CNDP1: variants seen among roughly 807,000 people sequenced by gnomAD.
CNDP1 encodes carnosine dipeptidase 1.
Under a neutral mutation model 58.1 loss-of-function variants are expected in CNDP1, and 44 were observed. The observed-to-expected ratio is 0.76, with a 90% CI of 0.60 to 0.97. The LOEUF is 0.97. Ranked by LOEUF, CNDP1 falls within the 50% of genes least tolerant of loss-of-function variation. The pLI, the probability that CNDP1 is intolerant of heterozygous loss-of-function variation, is 0.00. For synonymous variants in CNDP1, 254 were observed against 252.6 expected (o/e 1.01, Z -0.05); for missense variants, 616 against 655.1 (o/e 0.94, Z 0.65).
At chr18:74,581,433 C>T (rs1599104295) in intron 10 of CNDP1, among the ~76,000 whole-genome samples, 1 of 152,064 alleles carries the variant, frequency 6.6e-6, no homozygotes, top group Non-Finnish European at 1.5e-5. Flanking sequence ...CACAGCATTG[C>T]CCAGGAGGAC....
In CNDP1 at chr18:74,570,242, T is replaced by TA. The variant is rs35771415; in HGVS notation, c.757-935dup. Among the ~76,000 whole-genome samples the TA allele has an allele frequency of 1.5e-3, 212 of 145,918 alleles. 1 individual carries two copies. Among genetic ancestry groups the TA allele is most frequent in the Non-Finnish European group, 2.4e-3 (162 of 66,846 alleles). On this transcript the variant is annotated intron_variant, in intron 6 of 11. Transcript: ENST00000358821. ...ATTAATAATAATAATAATAAATAAT[T>TA]AAAAAAAAAGAAAAGAAAAGTGATA...
chr18:74,580,021 G>A, intron 9 of CNDP1, 109 bp from the exon 10 acceptor site: 1 of 948,886 alleles, frequency 1.1e-6, no homozygotes, highest in Non-Finnish European at 1.6e-6. Flanking sequence ...TTTCTTGATG[G>A]AAGAGGCTAT....
intron 6 of CNDP1, among the ~76,000 whole-genome samples, chr18:74,570,177 T>C (rs1158704605): frequency 6.8e-6 from 1 of 147,878 alleles, no homozygotes; most frequent in African/African-American, 2.5e-5. Context: ...CCTGCCTGGG[T>C]GACAGAGCAA....
intron 2 of CNDP1, among the ~76,000 whole-genome samples, chr18:74,558,877 G>A (rs1357034075): frequency 1.3e-5 from 2 of 152,186 alleles, no homozygotes; most frequent in African/African-American, 4.8e-5. Flanking sequence ...GGAGGGACCT[G>A]CAGCCCAGCA....
chr18:74,547,156 A>C lies in CNDP1; in HGVS notation c.25-9182A>C, dbSNP rs139479180. 2.0e-3 allele frequency among the ~76,000 whole-genome samples: 312 copies of C among 152,346 alleles called. 5 individuals carry two copies. Among genetic ancestry groups the C allele is most frequent in the African/African-American group, 6.7e-3 (280 of 41,574 alleles). ...AAAACCCATTTTTGTTGTTTGTTTAAAATCCTGTGATGGTGAGATAAGCTA... is the reference window on the plus strand; with the variant it reads ...AAAACCCATTTTTGTTGTTTGTTTACAATCCTGTGATGGTGAGATAAGCTA... On this transcript the variant is annotated intron_variant, in intron 1 of 11. Coordinates refer to ENST00000358821, the MANE Select transcript of CNDP1 (RefSeq NM_032649.6).
intron 11 of CNDP1, chr18:74,584,152 T>C: frequency 3.0e-6 from 1 of 336,918 alleles, no homozygotes. Flanking sequence ...TAGGAATGTT[T>C]GCTTTATGCG....
chr18:74,569,105 A>G (rs1003211260), intron 6 of CNDP1, among the ~76,000 whole-genome samples: 5 of 152,174 alleles, frequency 3.3e-5, no homozygotes, highest in Non-Finnish European at 7.3e-5. Context: ...ACGTTACAAG[A>G]GAGGACAAGG....
intron 1 of CNDP1, among the ~76,000 whole-genome samples, chr18:74,535,580 C>CTTTTTTTTTTTTTTTTTT (rs10685765): frequency 1.2e-4 from 13 of 106,374 alleles, no homozygotes; most frequent in Non-Finnish European, 2.0e-4. Context: ...CCATTGCTGA[C>CTTTTTTTTTTTTTTTTTT]TTTTTTTTTT....
At chr18:74,541,953 GAGAAACA>G (rs1980636108) in intron 1 of CNDP1, among the ~76,000 whole-genome samples, 1 of 152,222 alleles carries the variant, frequency 6.6e-6, no homozygotes, top group East Asian at 1.9e-4. Context: ...GTGAAAGGGA[GAGAAACA>G]GTGCTAAGAC....
At chr18:74,554,678 G>A (rs1980991996) in intron 1 of CNDP1, among the ~76,000 whole-genome samples, 1 of 152,182 alleles carries the variant, frequency 6.6e-6, no homozygotes, top group South Asian at 2.1e-4. Context: ...ACCCCAACAA[G>A]GGAGGAGGTC....
At chr18:74,551,923 A>C (rs1980921533) in intron 1 of CNDP1, among the ~76,000 whole-genome samples, 2 of 150,904 alleles carry the variant, frequency 1.3e-5, no homozygotes, top group African/African-American at 4.9e-5. Context: ...AAAAAAAACA[A>C]AAAAAAAACC....
At chr18:74,552,188 G>A (rs1375719551) in intron 1 of CNDP1, among the ~76,000 whole-genome samples, 1 of 152,148 alleles carries the variant, frequency 6.6e-6, no homozygotes, top group Non-Finnish European at 1.5e-5. Context: ...TTTAACCACT[G>A]TATAGCTTCC....
At chr18:74,563,914 C>G (rs551100156) in intron 5 of CNDP1, among the ~76,000 whole-genome samples, 37 of 152,324 alleles carry the variant, frequency 2.4e-4, no homozygotes, top group African/African-American at 8.9e-4. Flanking sequence ...GGATTTCCAA[C>G]TACTCCTCAG....
chr18:74,572,932 C>T (rs560372895), intron 7 of CNDP1, among the ~76,000 whole-genome samples: 1 of 152,204 alleles, frequency 6.6e-6, no homozygotes, highest in East Asian at 1.9e-4. Flanking sequence ...TAGTCCAGGC[C>T]ATGGTACAAT....
chr18:74,562,473 T>A (rs1465775613), intron 5 of CNDP1, among the ~76,000 whole-genome samples: 1 of 152,254 alleles, frequency 6.6e-6, no homozygotes, highest in East Asian at 1.9e-4. Context: ...TCTTTTTTTC[T>A]TTAATCCTTA....
chr18:74,534,538 T>C lies in CNDP1; in HGVS notation c.-130T>C, dbSNP rs962834786. On this transcript the variant is annotated 5_prime_UTR_variant, in exon 1 of 12. Coordinates refer to ENST00000358821, the MANE Select transcript of CNDP1 (RefSeq NM_032649.6). Reference sequence around the variant, plus strand: ...TCCACTATACCAGCCTCGTCTTCCTTCCGGGGGACAACGTGGGTCAGGGCA... The same window carrying C: ...TCCACTATACCAGCCTCGTCTTCCTCCCGGGGGACAACGTGGGTCAGGGCA... 7 of 929,706 alleles carry C rather than the reference T, an allele frequency of 7.5e-6. No homozygotes were observed. In the Admixed American group the frequency reaches 8.1e-5, roughly 11 times the overall value. The allele number at this position is 929,706 out of a possible 1,614,324, so 57.6% of individuals were successfully genotyped here. A position where few individuals can be genotyped will look rare whatever the true frequency, so the allele number is the denominator to read the frequency against.
At chr18:74,567,622 C>A (rs539041910) in intron 6 of CNDP1, among the ~76,000 whole-genome samples, 189 bp downstream of exon 6, 1 of 152,244 alleles carries the variant, frequency 6.6e-6, no homozygotes, top group Admixed American at 6.5e-5. Flanking sequence ...TCATGAACCC[C>A]CAACACTTGG....
intron 1 of CNDP1, among the ~76,000 whole-genome samples, chr18:74,541,201 C>T (rs1228974241): frequency 6.6e-6 from 1 of 152,212 alleles, no homozygotes; most frequent in Non-Finnish European, 1.5e-5. Flanking sequence ...CGGTCATGGG[C>T]TCTGCTGACG....
At chr18:74,584,148 T>A in intron 11 of CNDP1, 1 of 332,428 alleles carries the variant, frequency 3.0e-6, no homozygotes, top group Non-Finnish European at 5.6e-6. Context: ...CTATTAGGAA[T>A]GTTTGCTTTA....
Sources: gnomAD v4.1 joint callset for allele counts (sites outside exome capture counted in the v4.1 genomes callset) on GRCh38, gnomAD v4.1.1 for gene constraint, MANE v1.5 for transcripts, NCBI Gene and HGNC (gene_info 2026-07-23, HGNC 2026-07-21) for gene names.